Variants in FXR2 observed in about 807,000 individuals in gnomAD.
The protein encoded by FXR2 is RNA-binding protein FXR2.
Under a neutral mutation model 87.3 loss-of-function variants are expected in FXR2, and 9 were observed. That is an observed-to-expected ratio of 0.10 (90% confidence interval 0.06 to 0.18). The LOEUF is 0.18. Ranked by LOEUF, FXR2 falls within the 10% of genes least tolerant of loss-of-function variation. The pLI is 1.00. For missense variants in FXR2, 661 were observed against 893.6 expected (o/e 0.74, Z 3.32); for synonymous variants, 331 against 328.3 (o/e 1.01, Z -0.09).
At position 7,594,074 on chromosome 17, in the gene FXR2, C is replaced by A; in HGVS notation, c.1021-70G>T. ...AATGGAAGGATTAACGCCGCCCAGT[C>A]TCCTAGGGGAGCCTGCCCAGTGGGA... On this transcript the variant is annotated intron_variant, in intron 10 of 16. Transcript: ENST00000250113. This position sits in a 1 kb window ranked among gnomAD's most constrained non-coding sequence, Gnocchi z 5.1. 1 of 1,096,790 alleles carries A rather than the reference C, an allele frequency of 9.1e-7. No individual in the cohort carries two copies. The highest frequency in any genetic ancestry group is 1.2e-5 in the South Asian group (1 of 80,238). The allele number at this position is 1,096,790 out of a possible 1,614,324, so 67.9% of individuals were successfully genotyped here.
rs774844023 is a variant in FXR2 at position 7,592,642 on chromosome 17, AC to A, written c.1730-44del. On this transcript the variant is annotated intron_variant, in intron 14 of 16. Coordinates refer to ENST00000250113, the MANE Select transcript of FXR2 (RefSeq NM_004860.4). The surrounding 1 kb of genome is among the most constrained non-coding windows in gnomAD (Gnocchi z 4.8). ...ACCAGAGTCACACATCCAACCTCCC[AC>A]CCTCGATTCCTACCCATCTCTAACT... 11 of 1,611,698 alleles carry A rather than the reference AC, an allele frequency of 6.8e-6. No individual in the cohort carries two copies. In the South Asian group the frequency reaches 1.1e-4, roughly 16 times the overall value.
rs546179783 is a variant in FXR2 at position 7,597,862 on chromosome 17, G to A, written c.661-1868C>T. ...CCCTCTAATCATGAAGCCACCTAGAGGGGCTAGCCATGAATCAACTCATCA... is the reference window on the plus strand; with the variant it reads ...CCCTCTAATCATGAAGCCACCTAGAAGGGCTAGCCATGAATCAACTCATCA... On this transcript the variant is annotated intron_variant, in intron 7 of 16. Transcript: ENST00000250113. Among the ~76,000 whole-genome samples, 25 of 150,834 alleles carry A rather than the reference G, an allele frequency of 1.7e-4. No individual in the cohort carries two copies. The South Asian group carries it at 4.0e-3, about 24-fold the overall frequency.
chr17:7,613,805 G>A (rs1448586989), intron 1 of FXR2: 1 of 346,506 alleles, frequency 2.9e-6, no homozygotes, highest in Non-Finnish European at 5.7e-6. Context: ...AAGGTGTGGT[G>A]GGGAGAGAGA....
intron 7 of FXR2, 161 bp from the exon 8 acceptor site, chr17:7,596,155 G>A (rs865946435): frequency 1.6e-6 from 1 of 609,616 alleles, no homozygotes; most frequent in Non-Finnish European, 2.9e-6. Context: ...GGAAAGGTCA[G>A]GAACTTTTTG....
intron 4 of FXR2, 34 bp from the exon 5 acceptor site, chr17:7,603,939 G>T: frequency 6.2e-7 from 1 of 1,612,970 alleles, no homozygotes; most frequent in Non-Finnish European, 8.5e-7. Context: ...AGTTGTGGAT[G>T]ACCTGAGCAA....
intron 5 of FXR2, among the ~76,000 whole-genome samples, chr17:7,603,373 C>G (rs946543048): frequency 1.3e-5 from 2 of 150,976 alleles, no homozygotes; most frequent in African/African-American, 4.9e-5. Flanking sequence ...ACTAAAAATA[C>G]AAAATTAGCC....
In FXR2 at chr17:7,592,254, C is replaced by T. The variant is rs1330685583; in HGVS notation, c.1926G>A (p.Lys642=). Residue 642 remains lysine, a splice_region_variant and synonymous_variant, in exon 16 of 17, where the codon AAG becomes AAA. Transcript: ENST00000250113. This position sits in a 1 kb window ranked among gnomAD's most constrained non-coding sequence, Gnocchi z 4.8. The stretch of plus-strand genomic sequence containing the variant: ...GGTAAAGCACATCTTGCCTGCCTAC[C>T]TTCTGTCCTGAAAGAGAGTCTTCTG... ...KPSEDSLSGQ[K]GDSVSKLPKG... 2 of 1,607,600 alleles carry T rather than the reference C, an allele frequency of 1.2e-6. No homozygotes were observed. The highest frequency in any genetic ancestry group is 1.7e-5 in the Admixed American group (1 of 59,986).
chr17:7,610,968 G>A (rs34416693), intron 1 of FXR2, among the ~76,000 whole-genome samples: 38,341 of 152,096 alleles, frequency 0.25, 5,070 homozygotes, highest in South Asian at 0.39. Flanking sequence ...GACTCCCAAA[G>A]CAAAGGAGGG....
At position 7,593,820 on chromosome 17, in the gene FXR2, C is replaced by A; in HGVS notation, c.1107+98G>T. 3 of 896,684 alleles carry A rather than the reference C, an allele frequency of 3.3e-6. No homozygotes were observed. Among genetic ancestry groups the A allele is most frequent in the Non-Finnish European group, 5.5e-6 (3 of 546,010 alleles). 55.5% of individuals were successfully genotyped at this position (896,684 alleles called of 1,614,324 possible). A position where few individuals can be genotyped will look rare whatever the true frequency, so the allele number is the denominator to read the frequency against. ...TTCCACAGATGTTTTCTGTTCTACACGGAGAGACAAACAGAGAACCAAAAT... is the reference window on the plus strand; with the variant it reads ...TTCCACAGATGTTTTCTGTTCTACAAGGAGAGACAAACAGAGAACCAAAAT... On this transcript the variant is annotated intron_variant, in intron 11 of 16. Coordinates refer to ENST00000250113, the MANE Select transcript of FXR2 (RefSeq NM_004860.4). The surrounding 1 kb of genome is among the most constrained non-coding windows in gnomAD (Gnocchi z 6.1).
rs2071696680 is a variant in FXR2 at position 7,595,071 on chromosome 17, A to G, written c.832-314T>C. Among the ~76,000 whole-genome samples, 1 of 152,038 alleles carries G rather than the reference A, an allele frequency of 6.6e-6. No individual in the cohort carries two copies. The highest frequency in any genetic ancestry group is 2.1e-4 in the South Asian group (1 of 4,824). On this transcript the variant is annotated intron_variant, in intron 8 of 16. Transcript: ENST00000250113. This position sits in a 1 kb window ranked among gnomAD's most constrained non-coding sequence, Gnocchi z 4.7. ...GGTTGCAATAAGCTGAGATTGTGCC[A>G]CTGCACTCTAGCCCGGGCAACAGAG...
intron 7 of FXR2, among the ~76,000 whole-genome samples, chr17:7,600,258 G>T (rs2071743559): frequency 6.6e-6 from 1 of 150,854 alleles, no homozygotes; most frequent in Non-Finnish European, 1.5e-5. Context: ...AAGTGCAATG[G>T]CGCAATCTTG....
rs1037779050 is a variant in FXR2, at chr17:7,605,504, G to A, written c.228+141C>T. On this transcript the variant is annotated intron_variant, in intron 3 of 16. Transcript: ENST00000250113. ...GCTGATCACAACAGTGATAAAAGGG[G>A]AACTGTTGCATTTTACATTTCCATA... 5 of 575,666 alleles carry A rather than the reference G, an allele frequency of 8.7e-6. No individual in the cohort carries two copies. The Admixed American group carries it at 1.5e-4, about 17-fold the overall frequency. 35.7% of individuals were successfully genotyped at this position (575,666 alleles called of 1,614,324 possible).
At chr17:7,605,607 A>G (rs1481132399) in intron 3 of FXR2, 38 bp downstream of exon 3, 1 of 1,049,038 alleles carries the variant, frequency 9.5e-7, no homozygotes, top group Non-Finnish European at 1.5e-6. Context: ...ATCCTGGGGA[A>G]AAGTGACATT....
At chr17:7,597,872 A>G (rs923379781) in intron 7 of FXR2, among the ~76,000 whole-genome samples, 1 of 150,876 alleles carries the variant, frequency 6.6e-6, no homozygotes, top group Non-Finnish European at 1.5e-5. Flanking sequence ...GGGGCTAGCC[A>G]TGAATCAACT....
intron 1 of FXR2, among the ~76,000 whole-genome samples, chr17:7,607,345 G>T (rs1045798647): frequency 3.3e-5 from 5 of 150,918 alleles, no homozygotes; most frequent in Admixed American, 2.6e-4. Context: ...AAAAGAAAAA[G>T]AAATCTTTGC....
In FXR2 at chr17:7,596,002, GAA is replaced by G. The variant is rs1364055107; in HGVS notation, c.661-10_661-9del. The G allele has an allele frequency of 6.2e-7, 1 of 1,610,438 alleles. No individual in the cohort carries two copies. Among genetic ancestry groups the G allele is most frequent in the Non-Finnish European group, 8.5e-7 (1 of 1,177,042 alleles). On this transcript the variant is annotated splice_polypyrimidine_tract_variant and intron_variant, in intron 7 of 16. Transcript: ENST00000250113. ...TGCCAACTGCTTGCTTGTCTGAAAGGAAAAGTCACTGTAGGAATCATGGTGGT... is the reference window on the plus strand; with the variant it reads ...TGCCAACTGCTTGCTTGTCTGAAAGGAAGTCACTGTAGGAATCATGGTGGT...
At chr17:7,613,747 C>T (rs1222280402) in intron 1 of FXR2, among the ~76,000 whole-genome samples, 2 of 152,100 alleles carry the variant, frequency 1.3e-5, no homozygotes, top group Non-Finnish European at 2.9e-5. Flanking sequence ...TAAGTGAGAC[C>T]TCAAATCCAT....
At chr17:7,598,809 G>A (rs1026319589) in intron 7 of FXR2, among the ~76,000 whole-genome samples, 6 of 152,054 alleles carry the variant, frequency 3.9e-5, no homozygotes, top group Admixed American at 2.0e-4. Flanking sequence ...AGGGGTTCGC[G>A]ACCAGCCTAG....
intron 1 of FXR2, among the ~76,000 whole-genome samples, chr17:7,609,544 C>T (rs2071831985): frequency 6.6e-6 from 1 of 152,102 alleles, no homozygotes; most frequent in African/African-American, 2.4e-5. Flanking sequence ...GTTTTTTCTA[C>T]TCTTCATTCA....
Sources: gnomAD v4.1 joint callset for allele counts (sites outside exome capture counted in the v4.1 genomes callset) on GRCh38, gnomAD v4.1.1 for gene constraint, Gnocchi (gnomAD v3.1) non-coding constraint, MANE v1.5 for transcripts, NCBI Gene and HGNC (gene_info 2026-07-23, HGNC 2026-07-21) for gene names.